Variants in PCDH15 observed in about 807,000 individuals in gnomAD.
The protein encoded by PCDH15 is protocadherin related 15, also known as protocadherin-15.
A neutral mutation model predicts 178.5 loss-of-function variants in PCDH15; 129 were observed. The ratio of observed to expected loss-of-function variants is 0.72; its 90% confidence interval spans 0.63 to 0.84. The LOEUF (loss-of-function observed/expected upper bound fraction) is 0.84, where lower values mean the gene tolerates loss of function less well. PCDH15 is among the 40% of genes least tolerant of loss of function. The probability of loss-of-function intolerance (pLI) is 0.00; values close to 1 mark genes in which losing one functional copy is unlikely to be tolerated. For missense variants in PCDH15, 2,230 were observed against 2,099.9 expected (o/e 1.06, Z -1.21); for synonymous variants, 800 against 732.0 (o/e 1.09, Z -1.50).
At chr10:54,847,199 T>C (rs1263788907) in intron 3 of PCDH15, among the ~76,000 whole-genome samples, 1 of 152,112 alleles carries the variant, frequency 6.6e-6, no homozygotes, top group African/African-American at 2.4e-5. Context: ...ACTAAATCAA[T>C]TTGCTTGCTT....
chr10:54,679,018 G>C (rs1396048869), intron 1 of PCDH15, among the ~76,000 whole-genome samples: 4 of 151,428 alleles, frequency 2.6e-5, no homozygotes, highest in African/African-American at 9.7e-5. Flanking sequence ...GTGAAACCCC[G>C]TTTCTACTAA....
intron 2 of PCDH15, among the ~76,000 whole-genome samples, chr10:55,324,801 C>G (rs747386975): frequency 5.3e-4 from 80 of 152,018 alleles, no homozygotes; most frequent in Non-Finnish European, 9.0e-4. Context: ...TCAGATGATA[C>G]AATTCTATAA....
intron 20 of PCDH15, among the ~76,000 whole-genome samples, chr10:54,016,099 T>C (rs2092732045): frequency 6.6e-6 from 1 of 152,006 alleles, no homozygotes; most frequent in African/African-American, 2.4e-5. Context: ...ACTTAAAAAG[T>C]GGGCAAAAGA....
At chr10:55,177,113 C>T (rs996507002) in intron 1 of PCDH15, among the ~76,000 whole-genome samples, 1 of 152,110 alleles carries the variant, frequency 6.6e-6, no homozygotes, top group Non-Finnish European at 1.5e-5. Context: ...TAGGTTTAGT[C>T]TTGTCAGAGG....
chr10:54,482,894 G>T (rs974905310), intron 3 of PCDH15, among the ~76,000 whole-genome samples: 1 of 151,820 alleles, frequency 6.6e-6, no homozygotes, highest in African/African-American at 2.4e-5. Flanking sequence ...CATACTGACT[G>T]CAGGGGGACT....
chr10:54,054,262 A>C (rs1284295945), intron 18 of PCDH15, among the ~76,000 whole-genome samples: 2 of 152,110 alleles, frequency 1.3e-5, no homozygotes, highest in African/African-American at 2.4e-5. Flanking sequence ...ATTGCAATTG[A>C]TAAAAAAGGA....
intron 26 of PCDH15, among the ~76,000 whole-genome samples, chr10:53,897,130 C>A (rs983895486): frequency 6.6e-6 from 1 of 152,032 alleles, no homozygotes; most frequent in Non-Finnish European, 1.5e-5. Flanking sequence ...CAACTAATGG[C>A]CTGCCCTAGA....
chr10:54,758,169 G>A (rs1591484025), intron 1 of PCDH15, among the ~76,000 whole-genome samples: 1 of 152,094 alleles, frequency 6.6e-6, no homozygotes, highest in East Asian at 1.9e-4. Flanking sequence ...AAATTAAAAT[G>A]TTTTAGTATG....
chr10:55,057,085 T>G (rs1841325295), intron 2 of PCDH15, among the ~76,000 whole-genome samples: 1 of 152,192 alleles, frequency 6.6e-6, no homozygotes, highest in South Asian at 2.1e-4. Context: ...GGAAATGAAG[T>G]AAAGATAAAT....
intron 2 of PCDH15, among the ~76,000 whole-genome samples, chr10:55,439,722 T>G (rs1839135482): frequency 6.6e-6 from 1 of 151,962 alleles, no homozygotes; most frequent in African/African-American, 2.4e-5. Context: ...CACTCACTGA[T>G]TGCTTGGTAG....
chr10:54,917,826 A>C (rs972421811), intron 2 of PCDH15, among the ~76,000 whole-genome samples: 1 of 152,208 alleles, frequency 6.6e-6, no homozygotes, highest in Non-Finnish European at 1.5e-5. Context: ...TTGTGCACTA[A>C]GGCATATTCA....
chr10:53,970,563 G>A (rs893615738), intron 21 of PCDH15, among the ~76,000 whole-genome samples: 13 of 151,952 alleles, frequency 8.6e-5, no homozygotes, highest in Non-Finnish European at 1.2e-4. Context: ...AAGAAGAAAA[G>A]AGAGAAGAAT....
intron 15 of PCDH15, among the ~76,000 whole-genome samples, chr10:54,122,030 CACAGAG>C: frequency 6.7e-6 from 1 of 150,228 alleles, no homozygotes; most frequent in Non-Finnish European, 1.5e-5. Flanking sequence ...CACACACACA[CACAGAG>C]ACAGACACAC....
Position 55,280,827 on chromosome 10 carries a change from T to C in PCDH15, c.-156+38772A>G, listed in dbSNP as rs151195358. Among the ~76,000 whole-genome samples, 1,329 of 152,266 alleles carry C rather than the reference T, an allele frequency of 8.7e-3. 20 individuals are homozygous for C. The highest frequency in any genetic ancestry group is 0.029 in the African/African-American group (1,213 of 41,550). On this transcript the variant is annotated intron_variant, in intron 1 of 5. Transcript: ENST00000458638. ...GACCACCTCAATGTTCTGCTTCAAC[T>C]CAATATTAAACCATGTGCTATGAAA...
At chr10:55,587,737 T>C (rs908181158) in intron 2 of PCDH15, among the ~76,000 whole-genome samples, 2 of 152,206 alleles carry the variant, frequency 1.3e-5, no homozygotes, top group African/African-American at 4.8e-5. Flanking sequence ...AAAAGATGCT[T>C]TCTTGACAGT....
chr10:54,330,534 G>T (rs1005001331), intron 6 of PCDH15, among the ~76,000 whole-genome samples: 14 of 151,700 alleles, frequency 9.2e-5, no homozygotes, highest in Admixed American at 8.6e-4. Context: ...ATGACTGCGT[G>T]AACTTGAATC....
At chr10:54,643,123 C>T (rs1225517767) in intron 2 of PCDH15, among the ~76,000 whole-genome samples, 1 of 152,222 alleles carries the variant, frequency 6.6e-6, no homozygotes, top group Admixed American at 6.5e-5. Context: ...TGGGGTTTCA[C>T]CATGTTGGCC....
intron 2 of PCDH15, among the ~76,000 whole-genome samples, chr10:55,377,824 T>C (rs1222365111): frequency 6.6e-6 from 1 of 152,090 alleles, no homozygotes; most frequent in Non-Finnish European, 1.5e-5. Flanking sequence ...CCATCAATCA[T>C]AGACTGGATG....
intron 2 of PCDH15, among the ~76,000 whole-genome samples, chr10:55,465,778 T>C (rs1839818763): frequency 6.6e-6 from 1 of 152,192 alleles, no homozygotes; most frequent in East Asian, 1.9e-4. Flanking sequence ...ACATTGATTT[T>C]TTACCTAATA....
Sources: gnomAD v4.1 joint callset for allele counts (sites outside exome capture counted in the v4.1 genomes callset) on GRCh38, gnomAD v4.1.1 for gene constraint, MANE v1.5 for transcripts, NCBI Gene and HGNC (gene_info 2026-07-23, HGNC 2026-07-21) for gene names.